The following RAB30 variants were observed in gnomAD, a reference collection of about 807,000 sequenced individuals.
RAB30 encodes RAB30, member RAS oncogene family, also known as ras-related protein Rab-30.
Under a neutral mutation model 25.1 loss-of-function variants are expected in RAB30, and 9 were observed. That is an observed-to-expected ratio of 0.36 (90% CI 0.22 to 0.63). The LOEUF (loss-of-function observed/expected upper bound fraction) is 0.63, where lower values mean the gene tolerates loss of function less well. Among genes scored for constraint, RAB30 ranks in the 20% least tolerant of loss-of-function variants. The probability of loss-of-function intolerance (pLI) is 0.69; values close to 1 mark genes in which losing one functional copy is unlikely to be tolerated. For missense variants in RAB30, 140 were observed against 243.5 expected, an observed-to-expected ratio of 0.58 and a Z score of 2.83; for synonymous variants, 77 against 86.4, an observed-to-expected ratio of 0.89 and a Z score of 0.60.
At chr11:83,038,018 G>A (rs1858024197) in intron 1 of RAB30, among the ~76,000 whole-genome samples, 1 of 152,132 alleles carries the variant, frequency 6.6e-6, no homozygotes, top group African/African-American at 2.4e-5. Flanking sequence ...GGGAGAGGGT[G>A]AATGATGACT....
At position 83,036,621 on chromosome 11, in the gene RAB30, A is replaced by G. The variant is rs150179490; in HGVS notation, c.-9+35070T>C. Among the ~76,000 whole-genome samples, 293 of 152,314 alleles carry G rather than the reference A, an allele frequency of 1.9e-3. 3 individuals are homozygous for G. Among genetic ancestry groups the G allele is most frequent in the African/African-American group, 6.8e-3 (284 of 41,556 alleles). ...TTAACATAAGGTAGGTCCAGTTACC[A>G]AAGAACTACTGTTCTCATGAGGATA... On this transcript the variant is annotated intron_variant, in intron 1 of 4. Transcript: ENST00000527633.
At chr11:83,061,692 G>T (rs1045100491) in intron 1 of RAB30, among the ~76,000 whole-genome samples, 1 of 143,070 alleles carries the variant, frequency 7.0e-6, no homozygotes, top group African/African-American at 2.6e-5. Context: ...TTTTAGGTGG[G>T]ATTTTTTTCT....
At chr11:83,042,471 T>C (rs1474966212) in intron 1 of RAB30, among the ~76,000 whole-genome samples, 2 of 151,896 alleles carry the variant, frequency 1.3e-5, no homozygotes, top group East Asian at 1.9e-4. Context: ...GCAGAATTGT[T>C]TGAACCCAGG....
chr11:83,041,814 T>G (rs951200054), intron 1 of RAB30, among the ~76,000 whole-genome samples: 97 of 151,890 alleles, frequency 6.4e-4, no homozygotes, highest in Admixed American at 6.4e-3. Context: ...CTGAGCTGGG[T>G]AGATTTCACT....
rs530016778 is a variant in RAB30 at position 83,048,120 on chromosome 11, G to A, written c.-9+23571C>T. 7.2e-5 allele frequency among the ~76,000 whole-genome samples: 11 copies of A among 152,044 alleles called. No individual in the cohort carries two copies. In the East Asian group the frequency reaches 1.9e-3, roughly 27 times the overall value. ...TGCTCACTTCTCTCCACAAGGCCCC[G>A]TATGCCCAGTAATGACATGGAGTCA... On this transcript the variant is annotated intron_variant, in intron 1 of 4. Transcript: ENST00000527633.
At chr11:82,999,088 G>T (rs551544619) in intron 1 of RAB30, among the ~76,000 whole-genome samples, 36 of 152,292 alleles carry the variant, frequency 2.4e-4, no homozygotes, top group African/African-American at 6.3e-4. Flanking sequence ...AGTTCATTGG[G>T]CCTGTGAAGG....
At chr11:83,008,608 C>A (rs1220664876) in intron 1 of RAB30, among the ~76,000 whole-genome samples, 1 of 152,166 alleles carries the variant, frequency 6.6e-6, no homozygotes, top group Non-Finnish European at 1.5e-5. Context: ...ATTATCCTGG[C>A]AAATTCCTGT....
intron 1 of RAB30, among the ~76,000 whole-genome samples, chr11:83,012,836 G>C (rs181295870): frequency 2.8e-3 from 429 of 152,218 alleles, no homozygotes; most frequent in African/African-American, 9.9e-3. Context: ...CTCATGACCT[G>C]TTACCACTAT....
chr11:83,015,544 A>T (rs185480182), intron 1 of RAB30, among the ~76,000 whole-genome samples: 2,497 of 152,310 alleles, frequency 0.016, 85 homozygotes, highest in African/African-American at 0.058. Context: ...ACTCTCAGAC[A>T]TCTATGTGGA....
chr11:82,973,192 G>GT lies in RAB30; in HGVS notation c.*8972dup, dbSNP rs927125150. On this transcript the variant is annotated 3_prime_UTR_variant, in exon 5 of 5. Transcript: ENST00000527633. ...TACATGGGAAAGCAATTTCCATTTA[G>GT]TTTTTTTAAAAAATTGTTACAAATA... The GT allele has an allele frequency of 1.3e-5, 2 of 152,066 alleles. No homozygotes were observed. The highest frequency in any genetic ancestry group is 1.5e-5 in the Non-Finnish European group (1 of 68,002). The allele number at this position is 152,066 out of a possible 1,614,324, so 9.4% of individuals were successfully genotyped here.
rs1042893086 is a variant in RAB30, at chr11:82,987,909, A to C, written c.178-139T>G. On this transcript the variant is annotated intron_variant, in intron 3 of 4. Coordinates refer to ENST00000527633, the MANE Select transcript of RAB30 (RefSeq NM_001286060.2). ...TTTCATGGTTATTTTCTGCCCTAAA[A>C]AAAAAAAAAAAAAAAAAAAAAAAAG... The C allele has an allele frequency of 5.1e-4, 107 of 208,756 alleles. No homozygotes were observed. The highest frequency in any genetic ancestry group is 6.4e-4 in the Non-Finnish European group (81 of 126,352). 12.9% of individuals were successfully genotyped at this position (208,756 alleles called of 1,614,324 possible). A position where few individuals can be genotyped will look rare whatever the true frequency, so the allele number is the denominator to read the frequency against.
intron 1 of RAB30, among the ~76,000 whole-genome samples, chr11:83,019,633 T>C (rs1362335227): frequency 6.6e-6 from 1 of 152,152 alleles, no homozygotes; most frequent in Non-Finnish European, 1.5e-5. Context: ...CATCTCTCCA[T>C]CTCTGAACCT....
rs1054999782 is a variant in RAB30, at chr11:82,978,580, C to A, written c.*3585G>T. ...AAGATGTTTCACTTTAGTAGGAAGA[C>A]CAATTCAAACATCATTTACAACTGA... On this transcript the variant is annotated 3_prime_UTR_variant, in exon 5 of 5. Coordinates refer to ENST00000527633, the MANE Select transcript of RAB30 (RefSeq NM_001286060.2). 6.6e-6 allele frequency: 1 copy of A among 151,722 alleles called. No homozygotes were observed. The highest frequency in any genetic ancestry group is 2.4e-5 in the African/African-American group (1 of 41,306). 9.4% of individuals were successfully genotyped at this position (151,722 alleles called of 1,614,324 possible).
At chr11:83,022,765 A>G (rs968063268) in intron 1 of RAB30, among the ~76,000 whole-genome samples, 1 of 152,152 alleles carries the variant, frequency 6.6e-6, no homozygotes, top group South Asian at 2.1e-4. Flanking sequence ...ATGAAGTAAA[A>G]ATACCCCCTG....
At chr11:83,003,905 T>C (rs17144485) in intron 1 of RAB30, among the ~76,000 whole-genome samples, 5,352 of 152,256 alleles carry the variant, frequency 0.035, 331 homozygotes, top group African/African-American at 0.12. Context: ...CCTCAAAATT[T>C]ATTCAACATT....
chr11:83,058,829 G>A (rs1440168584), intron 1 of RAB30, among the ~76,000 whole-genome samples: 3 of 152,200 alleles, frequency 2.0e-5, no homozygotes, highest in East Asian at 1.9e-4. Flanking sequence ...GCCCAAGATC[G>A]TGTAGCATGA....
At chr11:83,013,202 G>C (rs531140905) in intron 1 of RAB30, among the ~76,000 whole-genome samples, 2 of 152,190 alleles carry the variant, frequency 1.3e-5, no homozygotes, top group South Asian at 2.1e-4. Flanking sequence ...TCCTGCCTCA[G>C]CTTCCCTAGT....
chr11:83,042,431 C>T (rs1012668906), intron 1 of RAB30, among the ~76,000 whole-genome samples: 1 of 151,614 alleles, frequency 6.6e-6, no homozygotes, highest in African/African-American at 2.4e-5. Context: ...GCGGCACACA[C>T]CTGTAATCCT....
intron 1 of RAB30, among the ~76,000 whole-genome samples, chr11:83,007,953 T>C (rs1857220785): frequency 6.6e-6 from 1 of 152,268 alleles, no homozygotes. Flanking sequence ...GGGCTCCCTC[T>C]GTTGTCCTCC....
Sources: allele counts gnomAD v4.1 joint callset (sites outside exome capture counted in the v4.1 genomes callset), GRCh38; gene constraint gnomAD v4.1.1; transcripts MANE v1.5; gene names NCBI Gene and HGNC (gene_info 2026-07-23, HGNC 2026-07-21).